TG: variants seen among roughly 807,000 people sequenced by gnomAD.
TG encodes thyroid hormones.
Under a neutral mutation model 324.7 loss-of-function variants are expected in TG, and 270 were observed. The observed-to-expected ratio is 0.83, with a 90% confidence interval of 0.75 to 0.92. TG has a LOEUF of 0.92. Ranked by LOEUF, TG falls within the 40% of genes least tolerant of loss-of-function variation. TG has a pLI of 0.00. For synonymous variants in TG, 1,401 were observed against 1,327.0 expected, an observed-to-expected ratio of 1.06 and a Z score of -1.21; for missense variants, 3,591 against 3,456.4, an observed-to-expected ratio of 1.04 and a Z score of -0.98.
chr8:132,932,126 G>A (rs533102038), intron 23 of TG, among the ~76,000 whole-genome samples: 2 of 151,548 alleles, frequency 1.3e-5, no homozygotes, highest in African/African-American at 4.9e-5. Context: ...TATTTTTTTG[G>A]GGGGGGTGTT....
chr8:132,964,113 CCA>C (rs1470708019), intron 29 of TG, among the ~76,000 whole-genome samples: 1 of 151,930 alleles, frequency 6.6e-6, no homozygotes, highest in Non-Finnish European at 1.5e-5. Flanking sequence ...TGAGGGGCAG[CCA>C]CACAGCTTGT....
Position 133,011,921 on chromosome 8 carries a change from T to G in TG, c.6283T>G (p.Ser2095Ala). The G allele has an allele frequency of 6.2e-7, 1 of 1,614,208 alleles. No individual in the cohort carries two copies. Among genetic ancestry groups the G allele is most frequent in the Non-Finnish European group, 8.5e-7 (1 of 1,180,042 alleles). ...TEKVSLDSWQ[S>A]LALSSVVVDP... The stretch of plus-strand genomic sequence containing the variant: ...CCTAGTGTCTCTGGACTCGTGGCAG[T>G]CCCTGGCCCTCTCTTCAGTGGTTGT... The change falls in exon 36 of 48, where the codon TCC (serine) becomes GCC (alanine). Residue 2095 changes from serine to alanine, a missense_variant. Transcript: ENST00000220616.
chr8:132,975,297 C>T (rs537629004), intron 34 of TG, among the ~76,000 whole-genome samples: 28 of 152,200 alleles, frequency 1.8e-4, no homozygotes, highest in South Asian at 1.2e-3. Flanking sequence ...ATGGAAGAAT[C>T]GGGTAAAAAG....
At chr8:133,060,379 C>A in intron 41 of TG, 1 of 1,526,976 alleles carries the variant, frequency 6.5e-7, no homozygotes, top group Admixed American at 2.3e-5. Flanking sequence ...AGCTCAAGTT[C>A]TTTTATCAAG....
chr8:133,117,313 A>C (rs1024373137), intron 45 of TG, among the ~76,000 whole-genome samples: 6 of 152,190 alleles, frequency 3.9e-5, no homozygotes, highest in African/African-American at 1.4e-4. Context: ...GAAGAAAAGA[A>C]AGATTTGGGT....
chr8:132,987,545 C>T (rs1044218631), intron 35 of TG, among the ~76,000 whole-genome samples: 12 of 151,974 alleles, frequency 7.9e-5, no homozygotes, highest in Admixed American at 2.0e-4. Flanking sequence ...AATAAGGAAA[C>T]GGAAATTAAA....
At chr8:132,899,758 A>T (rs1414408792) in intron 14 of TG, among the ~76,000 whole-genome samples, 1 of 152,198 alleles carries the variant, frequency 6.6e-6, no homozygotes, top group Non-Finnish European at 1.5e-5. Context: ...ACAATGTCCG[A>T]TGGTGGGAGA....
intron 16 of TG, among the ~76,000 whole-genome samples, chr8:132,904,925 T>C (rs1818455267): frequency 6.6e-6 from 1 of 152,100 alleles, no homozygotes. Context: ...GGGGCAAAGA[T>C]AATGGGGTTC....
intron 40 of TG, among the ~76,000 whole-genome samples, chr8:133,024,775 G>A (rs1397485728): frequency 6.6e-6 from 1 of 150,978 alleles, no homozygotes; most frequent in African/African-American, 2.5e-5. Flanking sequence ...ATTCCATGGT[G>A]TATATGTGCC....
chr8:132,929,059 A>G lies in TG; in HGVS notation c.4700-17A>G, dbSNP rs773688918. On this transcript the variant is annotated splice_polypyrimidine_tract_variant and intron_variant, in intron 22 of 47. Coordinates refer to ENST00000220616, the MANE Select transcript of TG (RefSeq NM_003235.5). The stretch of plus-strand genomic sequence containing the variant: ...CACCCTTCTGAGTCAGATTTACTAA[A>G]TCTGCTTTATTTTTAGTGATGCAGA... The G allele has an allele frequency of 6.2e-7, 1 of 1,608,516 alleles. No homozygotes were observed. Among genetic ancestry groups the G allele is most frequent in the Non-Finnish European group, 8.5e-7 (1 of 1,175,548 alleles).
chr8:132,966,098 A>G (rs940110972), intron 29 of TG, among the ~76,000 whole-genome samples: 1 of 152,184 alleles, frequency 6.6e-6, no homozygotes, highest in African/African-American at 2.4e-5. Flanking sequence ...GCTTCAGAAG[A>G]CAAAAAGAGG....
At chr8:133,067,293 T>C (rs1247916891) in intron 41 of TG, among the ~76,000 whole-genome samples, 1 of 152,066 alleles carries the variant, frequency 6.6e-6, no homozygotes, top group East Asian at 1.9e-4. Context: ...TTCTACCTGC[T>C]CCCACCCCAC....
At chr8:132,902,168 A>G (rs1818017629) in intron 16 of TG, among the ~76,000 whole-genome samples, 1 of 152,164 alleles carries the variant, frequency 6.6e-6, no homozygotes. Flanking sequence ...CAGGGCAGGA[A>G]ATGGAGACAT....
chr8:132,893,745 G>T lies in TG; in HGVS notation c.2817G>T (p.Thr939=), dbSNP rs146452691. ...GTGTACTGCAGTTCATTAGGGAAAC[G>T]GAAGAGATTGTTTCAGCTTCCAACA... ...KLRVLQFIRE[T]EEIVSASNSS... The change falls in exon 11 of 48, where the codon ACG becomes ACT. Residue 939 remains threonine, a synonymous_variant. Coordinates refer to ENST00000220616, the MANE Select transcript of TG (RefSeq NM_003235.5). The T allele has an allele frequency of 5.7e-5, 92 of 1,613,796 alleles. No homozygotes were observed. The African/African-American group carries it at 9.8e-4, about 17-fold the overall frequency.
chr8:133,111,979 C>T (rs1274556516), intron 43 of TG, among the ~76,000 whole-genome samples: 1 of 152,210 alleles, frequency 6.6e-6, no homozygotes, highest in Non-Finnish European at 1.5e-5. Context: ...GCCATCCCAC[C>T]AGAAGGGGCT....
At chr8:133,105,315 T>A (rs1049980833) in intron 43 of TG, among the ~76,000 whole-genome samples, 1 of 152,182 alleles carries the variant, frequency 6.6e-6, no homozygotes, top group Non-Finnish European at 1.5e-5. Context: ...GTAGAGGAGA[T>A]GTGCTGTGAA....
intron 40 of TG, among the ~76,000 whole-genome samples, chr8:133,023,678 C>A (rs73708819): frequency 1.3e-5 from 2 of 152,126 alleles, no homozygotes; most frequent in Admixed American, 1.3e-4. Flanking sequence ...CATCAGGACT[C>A]GCCCCAAGGA....
intron 35 of TG, among the ~76,000 whole-genome samples, chr8:133,003,525 C>A (rs73359320): frequency 0.021 from 3,242 of 152,010 alleles, 121 homozygotes; most frequent in African/African-American, 0.074. Context: ...AAAAGTACTC[C>A]TCTGCATCAT....
intron 35 of TG, chr8:133,002,136 C>T (rs559756206): frequency 6.5e-5 from 64 of 985,226 alleles, no homozygotes; most frequent in Non-Finnish European, 7.6e-5. Flanking sequence ...ACATTCTGCC[C>T]TTGGATCTGA....
Sources: gnomAD v4.1 joint callset for allele counts (sites outside exome capture counted in the v4.1 genomes callset) on GRCh38, gnomAD v4.1.1 for gene constraint, MANE v1.5 for transcripts, NCBI Gene and HGNC (gene_info 2026-07-23, HGNC 2026-07-21) for gene names.